Variants in GRM1 observed in about 807,000 individuals in gnomAD.
GRM1 encodes metabotropic glutamate receptor 1.
GRM1 carries 33 observed loss-of-function variants against 90.9 expected under a neutral mutation model. The observed-to-expected ratio is 0.36, with a 90% confidence interval of 0.28 to 0.49. The LOEUF (loss-of-function observed/expected upper bound fraction) is 0.49. GRM1 is among the 20% of genes least tolerant of loss of function. The probability of loss-of-function intolerance (pLI) is 0.99; values close to 1 mark genes in which losing one functional copy is unlikely to be tolerated. For missense variants in GRM1, 1,190 were observed against 1,534.3 expected (o/e 0.78, Z 3.75); for synonymous variants, 700 against 613.2 (o/e 1.14, Z -2.09).
chr6:146,389,122 T>C (rs1267831921), intron 6 of GRM1, among the ~76,000 whole-genome samples: 1 of 152,036 alleles, frequency 6.6e-6, no homozygotes, highest in Non-Finnish European at 1.5e-5. Flanking sequence ...CTTGTATAAG[T>C]AGGTCCGCTT....
At chr6:146,085,173 G>A (rs978942878) in intron 1 of GRM1, among the ~76,000 whole-genome samples, 2 of 152,114 alleles carry the variant, frequency 1.3e-5, no homozygotes, top group African/African-American at 4.8e-5. Flanking sequence ...AGAAATGGCT[G>A]ATTGATATAA....
intron 2 of GRM1, among the ~76,000 whole-genome samples, chr6:146,241,460 T>A (rs2114734341): frequency 6.6e-6 from 1 of 152,228 alleles, no homozygotes; most frequent in East Asian, 1.9e-4. Context: ...TTTGTAATAT[T>A]TTCCTGCATT....
chr6:146,279,458 A>T (rs185943287), intron 2 of GRM1, among the ~76,000 whole-genome samples: 1,766 of 152,264 alleles, frequency 0.012, 74 homozygotes, highest in East Asian at 0.079. Flanking sequence ...AGATATAAAA[A>T]TTTTTTAACC....
intron 2 of GRM1, among the ~76,000 whole-genome samples, chr6:146,300,295 TC>T (rs1344164654): frequency 6.6e-6 from 1 of 152,238 alleles, no homozygotes; most frequent in Non-Finnish European, 1.5e-5. Flanking sequence ...TTTTTTACTG[TC>T]AGTTTGCTAA....
intron 2 of GRM1, among the ~76,000 whole-genome samples, chr6:146,177,550 T>C (rs1778379160): frequency 1.3e-5 from 2 of 152,132 alleles, no homozygotes; most frequent in South Asian, 4.1e-4. Flanking sequence ...AAATCTGATA[T>C]TCACGTTTGC....
chr6:146,076,125 G>A (rs559109819), intron 1 of GRM1, among the ~76,000 whole-genome samples: 1 of 152,148 alleles, frequency 6.6e-6, no homozygotes, highest in African/African-American at 2.4e-5. Context: ...GAGCTGAAGA[G>A]GGTGCATGAC....
At chr6:146,228,445 A>C (rs189943739) in intron 2 of GRM1, among the ~76,000 whole-genome samples, 1 of 152,314 alleles carries the variant, frequency 6.6e-6, no homozygotes, top group Non-Finnish European at 1.5e-5. Context: ...ACCCATTCCC[A>C]AAATAACAAA....
intron 1 of GRM1, among the ~76,000 whole-genome samples, chr6:146,047,121 G>T (rs1371752084): frequency 6.6e-6 from 1 of 152,006 alleles, no homozygotes; most frequent in Non-Finnish European, 1.5e-5. Context: ...TGTGGAGCTG[G>T]TTGGAAAAGC....
chr6:146,060,327 G>A (rs537319434), intron 1 of GRM1, among the ~76,000 whole-genome samples: 57 of 152,004 alleles, frequency 3.7e-4, no homozygotes, highest in African/African-American at 1.2e-3. Context: ...GGAATTTGGC[G>A]TACAGATTAT....
At chr6:146,141,376 T>TA (rs1776875858) in intron 1 of GRM1, among the ~76,000 whole-genome samples, 2 of 152,070 alleles carry the variant, frequency 1.3e-5, no homozygotes. Flanking sequence ...TTCTTTGGGT[T>TA]AAATCTGCTT....
chr6:146,030,273 G>C, intron 1 of GRM1, 56 bp downstream of exon 1: 1 of 1,143,810 alleles, frequency 8.7e-7, no homozygotes, highest in East Asian at 2.3e-5. Context: ...AATGCATGAT[G>C]TGCTCCTGGG....
Position 146,183,351 on chromosome 6 carries a change from G to A in GRM1, c.950+23754G>A, listed in dbSNP as rs1169220420. ...TTTGGTTGTCCATGTGCCCAACTAG[G>A]AACTCTTATATGTTAAATAATTCTC... On this transcript the variant is annotated intron_variant, in intron 2 of 7. Transcript: ENST00000282753. Among the ~76,000 whole-genome samples the A allele has an allele frequency of 2.0e-5, 3 of 152,188 alleles. No individual in the cohort carries two copies. In the East Asian group the frequency reaches 5.8e-4, roughly 29 times the overall value.
chr6:146,303,849 T>A (rs1179240790), intron 2 of GRM1, among the ~76,000 whole-genome samples: 1 of 152,172 alleles, frequency 6.6e-6, no homozygotes, highest in Admixed American at 6.5e-5. Flanking sequence ...GATACCCTCA[T>A]AGGCCTGGCT....
chr6:146,238,095 C>T (rs543687068), intron 2 of GRM1, among the ~76,000 whole-genome samples: 8 of 152,110 alleles, frequency 5.3e-5, no homozygotes, highest in East Asian at 3.9e-4. Flanking sequence ...CTGGAGTGTG[C>T]GTGACAAGTT....
intron 2 of GRM1, among the ~76,000 whole-genome samples, chr6:146,221,812 G>A (rs1780073882): frequency 2.0e-5 from 3 of 152,260 alleles, no homozygotes; most frequent in South Asian, 4.1e-4. Context: ...TATGTACACA[G>A]CCATAAACCA....
chr6:146,102,587 G>A (rs1318890409), intron 1 of GRM1, among the ~76,000 whole-genome samples: 2 of 152,164 alleles, frequency 1.3e-5, no homozygotes, highest in African/African-American at 2.4e-5. Context: ...GGTCTTTAGT[G>A]ACCCATCTCC....
chr6:146,114,316 A>G (rs1775665093), intron 1 of GRM1, among the ~76,000 whole-genome samples: 2 of 152,202 alleles, frequency 1.3e-5, no homozygotes, highest in African/African-American at 4.8e-5. Flanking sequence ...ATTCTTGTAT[A>G]TTGATGATAT....
At chr6:146,096,340 A>G (rs768673825) in intron 1 of GRM1, among the ~76,000 whole-genome samples, 1 of 152,142 alleles carries the variant, frequency 6.6e-6, no homozygotes, top group African/African-American at 2.4e-5. Flanking sequence ...TAGCTAGTTC[A>G]ACTTAATTTT....
At chr6:146,242,418 C>A (rs183292253) in intron 2 of GRM1, among the ~76,000 whole-genome samples, 1 of 152,128 alleles carries the variant, frequency 6.6e-6, no homozygotes, top group African/African-American at 2.4e-5. Flanking sequence ...TTTCGAGAAC[C>A]AGAAACAGAG....
Sources: allele counts gnomAD v4.1 joint callset (sites outside exome capture counted in the v4.1 genomes callset), GRCh38; gene constraint gnomAD v4.1.1; transcripts MANE v1.5; gene names NCBI Gene and HGNC (gene_info 2026-07-23, HGNC 2026-07-21).